Variants in AK9 observed in about 807,000 individuals in gnomAD.
AK9 encodes the protein adenylate kinase 9.
AK9 carries 191 observed loss-of-function variants against 239.6 expected under a neutral mutation model. The ratio of observed to expected loss-of-function variants is 0.80; its 90% CI spans 0.71 to 0.90. The LOEUF (loss-of-function observed/expected upper bound fraction) is 0.90, where lower values mean the gene tolerates loss of function less well. Ranked by LOEUF, AK9 falls within the 40% of genes least tolerant of loss-of-function variation. AK9 has a pLI of 0.00. For missense variants in AK9, 1,995 were observed against 2,214.7 expected, an observed-to-expected ratio of 0.90 and a Z score of 1.99; for synonymous variants, 689 against 721.0, an observed-to-expected ratio of 0.96 and a Z score of 0.71.
At chr6:109,575,796 G>A (rs1787994556) in intron 20 of AK9, among the ~76,000 whole-genome samples, 1 of 152,100 alleles carries the variant, frequency 6.6e-6, no homozygotes, top group Non-Finnish European at 1.5e-5. Context: ...TATGGTTTCA[G>A]GTCTTAGATT....
At chr6:109,541,175 T>C (rs918064633) in intron 27 of AK9, among the ~76,000 whole-genome samples, 3 of 152,170 alleles carry the variant, frequency 2.0e-5, no homozygotes, top group Non-Finnish European at 4.4e-5. Context: ...TCAAAATGTG[T>C]TATTTTCCCC....
intron 13 of AK9, among the ~76,000 whole-genome samples, chr6:109,617,837 G>A (rs1397551419): frequency 1.5e-5 from 2 of 137,820 alleles, no homozygotes; most frequent in African/African-American, 5.0e-5. Flanking sequence ...GGTTTTCTGT[G>A]CTCACTTGAG....
intron 24 of AK9, among the ~76,000 whole-genome samples, chr6:109,560,964 A>G (rs1276139770): frequency 6.6e-6 from 1 of 151,478 alleles, no homozygotes; most frequent in Admixed American, 6.6e-5. Flanking sequence ...TTATTTTTTT[A>G]TTTTTATTTT....
intron 5 of AK9, among the ~76,000 whole-genome samples, chr6:109,670,076 C>A (rs1034242264): frequency 1.3e-5 from 2 of 152,052 alleles, no homozygotes; most frequent in African/African-American, 2.4e-5. Context: ...CTCTACAAGA[C>A]AAATGACCTG....
chr6:109,521,865 C>A (rs930545029), intron 29 of AK9, among the ~76,000 whole-genome samples: 10 of 151,980 alleles, frequency 6.6e-5, no homozygotes, highest in Admixed American at 3.3e-4. Context: ...TCTCTCCCCA[C>A]CCCCATGTTT....
At chr6:109,543,888 G>A (rs1783199080) in intron 26 of AK9, among the ~76,000 whole-genome samples, 1 of 152,124 alleles carries the variant, frequency 6.6e-6, no homozygotes, top group Non-Finnish European at 1.5e-5. Context: ...GGAGGCCAAG[G>A]TGAGTGGATC....
intron 12 of AK9, among the ~76,000 whole-genome samples, chr6:109,629,143 C>A (rs1469006618): frequency 6.6e-6 from 1 of 151,936 alleles, no homozygotes; most frequent in Non-Finnish European, 1.5e-5. Flanking sequence ...AAGGTCTCAC[C>A]ATTTTGCCCA....
intron 35 of AK9, among the ~76,000 whole-genome samples, chr6:109,500,491 C>T (rs746761372): frequency 1.8e-4 from 28 of 151,992 alleles, no homozygotes; most frequent in African/African-American, 6.3e-4. Flanking sequence ...ATAGCCAGTA[C>T]GTTTTGTTAG....
chr6:109,565,208 T>C (rs975168499), intron 21 of AK9, among the ~76,000 whole-genome samples: 1 of 152,160 alleles, frequency 6.6e-6, no homozygotes, highest in Non-Finnish European at 1.5e-5. Context: ...CCAGGCATAG[T>C]GAATTGTGCC....
chr6:109,512,070 A>T (rs1778809163), intron 32 of AK9, among the ~76,000 whole-genome samples: 1 of 152,222 alleles, frequency 6.6e-6, no homozygotes, highest in Non-Finnish European at 1.5e-5. Context: ...ATTCCCAGAC[A>T]GTTAAGGCAT....
intron 29 of AK9, among the ~76,000 whole-genome samples, chr6:109,527,017 CTG>C (rs2128128164): frequency 6.6e-6 from 1 of 152,270 alleles, no homozygotes; most frequent in East Asian, 1.9e-4. Flanking sequence ...TAGTCTGACA[CTG>C]TGCTCACTTG....
chr6:109,606,542 A>G (rs542280677), intron 17 of AK9, among the ~76,000 whole-genome samples: 8 of 152,360 alleles, frequency 5.3e-5, no homozygotes, highest in African/African-American at 1.4e-4. Context: ...CAGTTGGATA[A>G]CAGGTCATGA....
chr6:109,550,020 G>T, intron 25 of AK9, 70 bp downstream of exon 25: 1 of 1,439,302 alleles, frequency 6.9e-7, no homozygotes, highest in Non-Finnish European at 9.6e-7. Flanking sequence ...TAAGTAAATT[G>T]ATGGTGATTG....
At chr6:109,519,149 T>C (rs1779571092) in intron 29 of AK9, among the ~76,000 whole-genome samples, 1 of 152,188 alleles carries the variant, frequency 6.6e-6, no homozygotes, top group Non-Finnish European at 1.5e-5. Flanking sequence ...ACTTTGTTCT[T>C]TTTTATGGTC....
At chr6:109,507,122 G>T (rs1463632682) in intron 33 of AK9, among the ~76,000 whole-genome samples, 1 of 152,176 alleles carries the variant, frequency 6.6e-6, no homozygotes, top group African/African-American at 2.4e-5. Flanking sequence ...CTTGAATATT[G>T]TGTTCAACTG....
chr6:109,617,500 TACAC>T (rs1794317067), intron 13 of AK9, among the ~76,000 whole-genome samples: 1 of 152,090 alleles, frequency 6.6e-6, no homozygotes, highest in South Asian at 2.1e-4. Context: ...AGTTTATACA[TACAC>T]ACACAAACTT....
chr6:109,680,507 T>C (rs1387861949), intron 1 of AK9, among the ~76,000 whole-genome samples: 2 of 152,148 alleles, frequency 1.3e-5, no homozygotes, highest in African/African-American at 2.4e-5. Flanking sequence ...ATGAGGAGAA[T>C]GGAATCAAGT....
Position 109,590,932 on chromosome 6 carries a change from T to C in AK9, c.1843-4860A>G, listed in dbSNP as rs80165240. 1.2e-3 allele frequency among the ~76,000 whole-genome samples: 176 copies of C among 152,298 alleles called. 1 individual carries two copies. The highest frequency in any genetic ancestry group is 4.0e-3 in the African/African-American group (166 of 41,574). The stretch of plus-strand genomic sequence containing the variant: ...TAAAATTTTTTTGAGACTTGCCTTG[T>C]GGCCTTGCATATGGTCATTTAAGAA... On this transcript the variant is annotated intron_variant, in intron 17 of 40. Transcript: ENST00000424296.
intron 8 of AK9, among the ~76,000 whole-genome samples, chr6:109,650,584 G>A (rs535740798): frequency 6.6e-6 from 1 of 152,206 alleles, no homozygotes; most frequent in Admixed American, 6.5e-5. Flanking sequence ...GGAAACAACA[G>A]GTGATGGAGA....
Sources: gnomAD v4.1 joint callset for allele counts (sites outside exome capture counted in the v4.1 genomes callset) on GRCh38, gnomAD v4.1.1 for gene constraint, MANE v1.5 for transcripts, NCBI Gene and HGNC (gene_info 2026-07-23, HGNC 2026-07-21) for gene names.